SAMD14: variants seen among roughly 807,000 people sequenced by gnomAD.
SAMD14 encodes sterile alpha motif domain containing 14.
A neutral mutation model predicts 46.2 loss-of-function variants in SAMD14; 27 were observed. The observed-to-expected ratio is 0.58, with a 90% confidence interval of 0.43 to 0.81. The LOEUF is 0.81. Ranked by LOEUF, SAMD14 falls within the 30% of genes least tolerant of loss-of-function variation. The pLI is 0.00. For synonymous variants in SAMD14, 241 were observed against 254.3 expected (o/e 0.95, Z 0.50); for missense variants, 559 against 582.2 (o/e 0.96, Z 0.41).
chr17:50,118,062 T>G, intron 3 of SAMD14, 99 bp downstream of exon 3: 11 of 1,283,884 alleles, frequency 8.6e-6, no homozygotes, highest in Non-Finnish European at 1.1e-5. Flanking sequence ...AGTCTGGGGA[T>G]GTGGTTTCCC....
intron 2 of SAMD14, among the ~76,000 whole-genome samples, chr17:50,122,797 T>C (rs1911563784): frequency 6.6e-6 from 1 of 152,006 alleles, no homozygotes; most frequent in African/African-American, 2.4e-5. Flanking sequence ...GAGAGAATGG[T>C]GCAGCCTTGG....
intron 2 of SAMD14, among the ~76,000 whole-genome samples, 163 bp downstream of exon 2, chr17:50,124,754 C>T (rs55670935): frequency 0.15 from 19,450 of 128,578 alleles, 1,414 homozygotes; most frequent in Non-Finnish European, 0.17. Context: ...AATACCTGCA[C>T]GCGTGCACGC....
intron 2 of SAMD14, among the ~76,000 whole-genome samples, chr17:50,122,488 C>T (rs1168130067): frequency 2.6e-5 from 4 of 152,208 alleles, no homozygotes; most frequent in African/African-American, 4.8e-5. Context: ...CAGCACTCCC[C>T]ACCGTCTAGT....
intron 9 of SAMD14, chr17:50,113,556 C>T (rs942989213): frequency 4.2e-5 from 13 of 311,672 alleles, no homozygotes; most frequent in African/African-American, 2.6e-4. Flanking sequence ...TACCACTAGC[C>T]TCTGAGACAG....
At position 50,110,941 on chromosome 17, in the gene SAMD14, A is replaced by G. The variant is rs1399344449; in HGVS notation, c.*1952T>C. The G allele has an allele frequency of 1.3e-5, 2 of 152,070 alleles. No homozygotes were observed. Among genetic ancestry groups the G allele is most frequent in the Non-Finnish European group, 2.9e-5 (2 of 68,018 alleles). 9.4% of individuals were successfully genotyped at this position (152,070 alleles called of 1,614,324 possible). A position where few individuals can be genotyped will look rare whatever the true frequency, so the allele number is the denominator to read the frequency against. ...TTCTGTGTATATAGTTAGTTTTATA[A>G]CCCTGAATGCCCCCACCCTTCCCCT... On this transcript the variant is annotated 3_prime_UTR_variant, in exon 10 of 10. Transcript: ENST00000330175.
At chr17:50,117,378 C>G (rs1911261101) in intron 4 of SAMD14, 29 bp downstream of exon 4, 3 of 1,282,960 alleles carry the variant, frequency 2.3e-6, no homozygotes, top group South Asian at 2.6e-5. Flanking sequence ...GAGCGACCAG[C>G]AGGAGGTGCG....
In SAMD14 at chr17:50,114,304, T is replaced by C; in HGVS notation, c.825A>G (p.Glu275=). 1 of 1,613,836 alleles carries C rather than the reference T, an allele frequency of 6.2e-7. No individual in the cohort carries two copies. The highest frequency in any genetic ancestry group is 8.5e-7 in the Non-Finnish European group (1 of 1,179,974). ...GFSPKKSASQ[E]STLSDDSTPP... Reference sequence around the variant, plus strand: ...GCGTGGAGTCATCACTCAGAGTGGATTCCTAGACAGAAAAAGGTGCATGCC... The same window carrying C: ...GCGTGGAGTCATCACTCAGAGTGGACTCCTAGACAGAAAAAGGTGCATGCC... Residue 275 remains glutamate, a splice_region_variant and synonymous_variant, in exon 8 of 10, where the codon GAA becomes GAG. Transcript: ENST00000330175.
intron 2 of SAMD14, among the ~76,000 whole-genome samples, chr17:50,119,082 TTGGAG>T (rs1911383240): frequency 6.6e-6 from 1 of 152,088 alleles, no homozygotes; most frequent in Non-Finnish European, 1.5e-5. Flanking sequence ...GGGCTTGCAG[TTGGAG>T]TGGAGCAAAG....
rs939582221 is a variant in SAMD14, at chr17:50,117,569, C to T, written c.337G>A (p.Glu113Lys). ...CGTGTGAGCGGCGAGGGCGGCGGCTCGTCCTCGTCCAGGCTGCGCCGCAAC... is the reference window on the plus strand; with the variant it reads ...CGTGTGAGCGGCGAGGGCGGCGGCTTGTCCTCGTCCAGGCTGCGCCGCAAC... Reference protein sequence around the residue: ...PGLRRSLDEDEPPPSPLTRYR... With the variant: ...PGLRRSLDEDKPPPSPLTRYR... The change falls in exon 4 of 10, where the codon GAG (glutamate) becomes AAG (lysine). Residue 113 changes from glutamate (E) to lysine (K), a missense_variant. Transcript: ENST00000330175. 5.8e-6 allele frequency: 9 copies of T among 1,550,570 alleles called. No individual in the cohort carries two copies. The highest frequency in any genetic ancestry group is 7.8e-6 in the Non-Finnish European group (9 of 1,158,688).
intron 7 of SAMD14, chr17:50,114,570 G>C: frequency 2.5e-6 from 2 of 799,224 alleles, no homozygotes; most frequent in Non-Finnish European, 3.9e-6. Flanking sequence ...TCTCAGGCAA[G>C]GTGTCACTTC....
chr17:50,116,400 CTTTT>C (rs10596441), intron 4 of SAMD14: 950 of 132,536 alleles, frequency 7.2e-3, no homozygotes, highest in South Asian at 0.027. Context: ...TCCTGGCCAA[CTTTT>C]TTTTTTTTTT....
chr17:50,118,381 C>T lies in SAMD14; in HGVS notation c.44-54G>A, dbSNP rs1353977580. 2.5e-6 allele frequency: 4 copies of T among 1,591,394 alleles called. No homozygotes were observed. The East Asian group carries it at 6.7e-5, about 27-fold the overall frequency. ...CAGACACATGAGAGGTGACGGCAAGCCCAGAGGCCCACCTCAGGGGCCACC... is the reference window on the plus strand; with the variant it reads ...CAGACACATGAGAGGTGACGGCAAGTCCAGAGGCCCACCTCAGGGGCCACC... On this transcript the variant is annotated intron_variant, in intron 2 of 9. Transcript: ENST00000330175.
intron 2 of SAMD14, 109 bp downstream of exon 2, chr17:50,124,808 C>CACACAT: frequency 9.4e-7 from 1 of 1,061,362 alleles, no homozygotes. Flanking sequence ...CACACACACA[C>CACACAT]TCTGAAGCTG....
At chr17:50,113,438 A>G in intron 9 of SAMD14, 1 of 248,042 alleles carries the variant, frequency 4.0e-6, no homozygotes, top group Admixed American at 5.0e-5. Context: ...TCTTTTCACC[A>G]TCCCTGCCCC....
At chr17:50,127,962 G>C (rs1456418404) in intron 1 of SAMD14, among the ~76,000 whole-genome samples, 3 of 152,082 alleles carry the variant, frequency 2.0e-5, no homozygotes, top group African/African-American at 7.2e-5. Context: ...GGGAAATGGG[G>C]AATTCTTCAT....
chr17:50,114,032 C>G lies in SAMD14; in HGVS notation c.990G>C (p.Gln330His). Residue 330 changes from glutamine (Q) to histidine (H), a missense_variant, in exon 9 of 10, where the codon CAG becomes CAC. Physicochemically the swap from Gln to His is conservative, Grantham distance 24 (BLOSUM62 0). Transcript: ENST00000330175. Reference sequence around the variant, plus strand: ...TGAGGCTCTGCAGCCACTGGCCCACCTGCTGGCTGGTCCAGTGGTGGACAG... The same window carrying G: ...TGAGGCTCTGCAGCCACTGGCCCACGTGCTGGCTGGTCCAGTGGTGGACAG... ...LPPVHHWTSQQVGQWLQSLNL... is the reference protein window; with the variant it reads ...LPPVHHWTSQHVGQWLQSLNL... 6.2e-7 allele frequency: 1 copy of G among 1,613,736 alleles called. No individual in the cohort carries two copies. Among genetic ancestry groups the G allele is most frequent in the Non-Finnish European group, 8.5e-7 (1 of 1,180,032 alleles).
At chr17:50,117,297 C>G (rs1272857410) in intron 4 of SAMD14, 110 bp downstream of exon 4, 2 of 1,104,210 alleles carry the variant, frequency 1.8e-6, no homozygotes, top group East Asian at 3.3e-5. Flanking sequence ...TCACCTCCCC[C>G]AGCCACCCTG....
At chr17:50,128,274 C>T (rs914910958) in intron 1 of SAMD14, among the ~76,000 whole-genome samples, 4 of 152,074 alleles carry the variant, frequency 2.6e-5, no homozygotes, top group Middle Eastern at 3.4e-3. Context: ...AAGCCATTCT[C>T]GGTCCATCCT....
rs558407619 is a variant in SAMD14, at chr17:50,115,705, G to A, written c.681C>T (p.Ser227=). Reference sequence around the variant, plus strand: ...GGAACGGGGAGCCCCCTGACCTGCCGGACCCCTCCACTGACTCCCTGCAGA... The same window carrying A: ...GGAACGGGGAGCCCCCTGACCTGCCAGACCCCTCCACTGACTCCCTGCAGA... ...SMGSRESVEG[S]GRSGGSPFLP... is the part of the protein sequence containing the mutation. Residue 227 remains serine (S), a synonymous_variant, in exon 7 of 10, where the codon TCC becomes TCT. Coordinates refer to ENST00000330175, the MANE Select transcript of SAMD14 (RefSeq NM_001257359.2). This position sits in a 1 kb window ranked among gnomAD's most constrained non-coding sequence, Gnocchi z 5.3. 25 of 1,605,328 alleles carry A rather than the reference G, an allele frequency of 1.6e-5. No homozygotes were observed. Among genetic ancestry groups the A allele is most frequent in the Middle Eastern group, 1.7e-4 (1 of 6,034 alleles).
Sources: gnomAD v4.1 joint callset for allele counts (sites outside exome capture counted in the v4.1 genomes callset) on GRCh38, gnomAD v4.1.1 for gene constraint, Gnocchi (gnomAD v3.1) non-coding constraint, MANE v1.5 for transcripts, NCBI Gene and HGNC (gene_info 2026-07-23, HGNC 2026-07-21) for gene names.